The following THOC2 variants were observed in gnomAD, a reference collection of about 807,000 sequenced individuals.
THOC2 encodes THO complex subunit 2.
A neutral mutation model predicts 128.4 loss-of-function variants in THOC2; 10 were observed. The observed-to-expected ratio is 0.08, with a 90% CI of 0.05 to 0.13. The LOEUF is 0.13. Among genes scored for constraint, THOC2 ranks in the 10% least tolerant of loss-of-function variants. The probability of loss-of-function intolerance (pLI) is 1.00; values close to 1 mark genes in which losing one functional copy is unlikely to be tolerated. For missense variants in THOC2, 535 were observed against 1,155.7 expected (o/e 0.46, Z 7.79); for synonymous variants, 393 against 396.9 (o/e 0.99, Z 0.12).
At chrX:123,666,006 T>C (rs2049035844) in intron 11 of THOC2, among the ~76,000 whole-genome samples, 169 bp from the exon 12 acceptor site, 1 of 111,601 alleles carries the variant, frequency 9.0e-6, no homozygotes, top group African/African-American at 3.3e-5. Context: ...CTAACTTTAT[T>C]ACACCAGATA....
intron 22 of THOC2, among the ~76,000 whole-genome samples, chrX:123,628,579 C>G (rs766342395): frequency 9.1e-6 from 1 of 110,300 alleles, no homozygotes; most frequent in Non-Finnish European, 1.9e-5. Context: ...GGCGTGGTGG[C>G]GCAGGCCTGT....
At chrX:123,700,110 T>TA (rs1171636646) in intron 4 of THOC2, among the ~76,000 whole-genome samples, 3 of 110,731 alleles carry the variant, frequency 2.7e-5, no homozygotes, top group Non-Finnish European at 5.7e-5. Context: ...ACCAATTACC[T>TA]ACCCCAGCCC....
At chrX:123,688,169 G>A (rs1051371470) in intron 7 of THOC2, among the ~76,000 whole-genome samples, 5 of 111,720 alleles carry the variant, frequency 4.5e-5, no homozygotes, top group Non-Finnish European at 7.5e-5. Context: ...AAATGTTCAC[G>A]GCAGGTTTAT....
At chrX:123,662,460 C>T (rs999604216) in intron 12 of THOC2, among the ~76,000 whole-genome samples, 7 of 108,463 alleles carry the variant, frequency 6.5e-5, no homozygotes, top group Admixed American at 1.0e-4. Flanking sequence ...TGGTGGTGGG[C>T]GCCTGTAGTC....
intron 12 of THOC2, among the ~76,000 whole-genome samples, chrX:123,662,779 G>A (rs910378705): frequency 3.6e-5 from 4 of 110,703 alleles, no homozygotes; most frequent in African/African-American, 1.3e-4. Context: ...GACAAATAAC[G>A]CAACTTAAAA....
intron 1 of THOC2, among the ~76,000 whole-genome samples, chrX:123,713,119 T>C (rs763287165): frequency 8.0e-5 from 9 of 111,997 alleles, no homozygotes; most frequent in Non-Finnish European, 1.3e-4. Flanking sequence ...AATATCACCA[T>C]TTAAGACCCC....
chrX:123,709,770 C>A (rs1325306386), intron 2 of THOC2, among the ~76,000 whole-genome samples: 1 of 111,572 alleles, frequency 9.0e-6, no homozygotes, highest in East Asian at 2.8e-4. Flanking sequence ...ATTTTCCCAA[C>A]ACAAAGAAAT....
At chrX:123,633,743 T>G (rs1380078475) in intron 20 of THOC2, among the ~76,000 whole-genome samples, 1 of 112,244 alleles carries the variant, frequency 8.9e-6, no homozygotes, top group Non-Finnish European at 1.9e-5. Context: ...CATTACTTAC[T>G]GCCTTTTATA....
intron 12 of THOC2, among the ~76,000 whole-genome samples, chrX:123,647,215 G>A (rs1283901574): frequency 8.9e-6 from 1 of 111,772 alleles, no homozygotes; most frequent in East Asian, 2.8e-4. Context: ...TATCAAAGTC[G>A]AATTATAGCA....
At chrX:123,679,992 G>A (rs893083410) in intron 8 of THOC2, among the ~76,000 whole-genome samples, 1 of 112,331 alleles carries the variant, frequency 8.9e-6, no homozygotes, top group Non-Finnish European at 1.9e-5. Flanking sequence ...GGAAAGCCAG[G>A]TATTGTCCAA....
intron 2 of THOC2, among the ~76,000 whole-genome samples, chrX:123,711,312 G>A (rs1281798535): frequency 9.4e-6 from 1 of 106,804 alleles, no homozygotes; most frequent in Non-Finnish European, 1.9e-5. Context: ...GATTACAGGC[G>A]TGAGCCACCG....
intron 12 of THOC2, among the ~76,000 whole-genome samples, chrX:123,654,546 G>A (rs1356811163): frequency 9.4e-6 from 1 of 106,900 alleles, no homozygotes; most frequent in African/African-American, 3.4e-5. Context: ...ACGAGGTCAG[G>A]AGCTCAAGAC....
intron 36 of THOC2, 142 bp downstream of exon 36, chrX:123,613,257 C>T: frequency 1.8e-6 from 1 of 554,237 alleles, no homozygotes. Context: ...AAACGGAATG[C>T]CCTCCCTCAA....
At chrX:123,648,636 G>A (rs747999358) in intron 12 of THOC2, among the ~76,000 whole-genome samples, 3 of 106,918 alleles carry the variant, frequency 2.8e-5, no homozygotes, top group Admixed American at 1.0e-4. Flanking sequence ...GAGGAGGGGC[G>A]TGTGCAATTA....
chrX:123,640,111 CG>C (rs2047851325), intron 16 of THOC2, among the ~76,000 whole-genome samples: 1 of 111,347 alleles, frequency 9.0e-6, no homozygotes, highest in African/African-American at 3.3e-5. Context: ...CGCTTGAACC[CG>C]GGAGGCAGAG....
chrX:123,635,983 C>A (rs1301692683), intron 19 of THOC2, 96 bp downstream of exon 19: 7 of 629,140 alleles, frequency 1.1e-5, no homozygotes, highest in Middle Eastern at 3.2e-4. Context: ...CTACAACCAA[C>A]AAATAAGTAG....
At chrX:123,648,988 A>G (rs2048246009) in intron 12 of THOC2, among the ~76,000 whole-genome samples, 1 of 112,314 alleles carries the variant, frequency 8.9e-6, no homozygotes, top group African/African-American at 3.2e-5. Context: ...TGCTTCCTCA[A>G]GTGGGTCCCT....
chrX:123,677,986 G>A (rs73546084), intron 8 of THOC2, among the ~76,000 whole-genome samples: 2,676 of 110,429 alleles, frequency 0.024, 78 homozygotes, highest in African/African-American at 0.084. Context: ...CAGTATCACT[G>A]TCTTCCATCT....
intron 33 of THOC2, 104 bp downstream of exon 33, chrX:123,619,297 C>T: frequency 2.3e-6 from 1 of 429,223 alleles, no homozygotes; most frequent in African/African-American, 2.5e-5. Flanking sequence ...CTTTATCCCA[C>T]TGATCTCAGC....
Sources: gnomAD v4.1 joint callset for allele counts (sites outside exome capture counted in the v4.1 genomes callset) on GRCh38, gnomAD v4.1.1 for gene constraint, MANE v1.5 for transcripts, NCBI Gene and HGNC (gene_info 2026-07-23, HGNC 2026-07-21) for gene names.